MYH9: variants seen among roughly 807,000 people sequenced by gnomAD.
MYH9 encodes the protein myosin-9.
Under a neutral mutation model 241.9 loss-of-function variants are expected in MYH9, and 29 were observed. The ratio of observed to expected loss-of-function variants is 0.12; its 90% confidence interval spans 0.09 to 0.16. The LOEUF is 0.16. Among genes scored for constraint, MYH9 ranks in the 10% least tolerant of loss-of-function variants. The pLI is 1.00. For synonymous variants in MYH9, 1,047 were observed against 1,062.6 expected, an observed-to-expected ratio of 0.99 and a Z score of 0.29; for missense variants, 1,803 against 2,595.5, an observed-to-expected ratio of 0.69 and a Z score of 6.63.
At chr22:36,294,060 T>C (rs1417927516) in intron 28 of MYH9, 32 bp downstream of exon 28, 2 of 1,603,480 alleles carry the variant, frequency 1.2e-6, no homozygotes, top group Non-Finnish European at 1.7e-6. Flanking sequence ...TAGGGCCCAC[T>C]GCCCGCGCCA....
At chr22:36,348,153 A>G (rs1367359742) in intron 2 of MYH9, among the ~76,000 whole-genome samples, 1 of 148,926 alleles carries the variant, frequency 6.7e-6, no homozygotes, top group Non-Finnish European at 1.5e-5. Context: ...TTTTAAAGAT[A>G]TTTAAAAAAT....
chr22:36,300,374 T>C lies in MYH9; in HGVS notation c.2839-110A>G. 6.7e-7 allele frequency: 1 copy of C among 1,503,216 alleles called. No individual in the cohort carries two copies. Among genetic ancestry groups the C allele is most frequent in the Non-Finnish European group, 9.1e-7 (1 of 1,097,040 alleles). 93.1% of individuals were successfully genotyped at this position (1,503,216 alleles called of 1,614,324 possible). ...AAACGCCAAGGAGAAAATAGCAAGG[T>C]CTGTGAGCCCAGGGCCATGGCTGAG... is the stretch of plus-strand genomic sequence containing the variant. On this transcript the variant is annotated intron_variant, in intron 22 of 40. Coordinates refer to ENST00000216181, the MANE Select transcript of MYH9 (RefSeq NM_002473.6). The surrounding 1 kb of genome is among the most constrained non-coding windows in gnomAD (Gnocchi z 5.0).
rs1460962853 is a variant in MYH9, at chr22:36,365,516, G to C, written c.-19-16261C>G. ...CAGAGTCTCACCGTCGCCCAGGCTG[G>C]AGTGCAGTGGCACAATCTTGGCTCG... On this transcript the variant is annotated intron_variant, in intron 1 of 40. Transcript: ENST00000216181. Among the ~76,000 whole-genome samples the C allele has an allele frequency of 4.6e-5, 7 of 152,020 alleles. No homozygotes were observed. In the South Asian group the frequency reaches 1.3e-3, roughly 27 times the overall value.
chr22:36,310,565 G>C (rs1365127482), intron 14 of MYH9, among the ~76,000 whole-genome samples: 1 of 152,188 alleles, frequency 6.6e-6, no homozygotes, highest in Non-Finnish European at 1.5e-5. Flanking sequence ...AATGCACGCT[G>C]CTGCATCCCA....
chr22:36,293,308 CGGTCCCCCA>C lies in MYH9; in HGVS notation c.4095+12_4095+20del, dbSNP rs762475888. ...AGCTCCCCAGCCTGCAGAGTCCGGCCGGTCCCCCAGGCCTCCAAACCTGGGCATGGAGGG... is the reference window on the plus strand; with the variant it reads ...AGCTCCCCAGCCTGCAGAGTCCGGCCGGCCTCCAAACCTGGGCATGGAGGG... On this transcript the variant is annotated intron_variant, in intron 30 of 40. Coordinates refer to ENST00000216181, the MANE Select transcript of MYH9 (RefSeq NM_002473.6). This position sits in a 1 kb window ranked among gnomAD's most constrained non-coding sequence, Gnocchi z 5.1. The C allele has an allele frequency of 1.1e-4, 180 of 1,613,532 alleles. No individual in the cohort carries two copies. Among genetic ancestry groups the C allele is most frequent in the Non-Finnish European group, 1.5e-4 (175 of 1,179,998 alleles).
chr22:36,347,763 T>C, intron 2 of MYH9, among the ~76,000 whole-genome samples: 1 of 141,104 alleles, frequency 7.1e-6, no homozygotes, highest in African/African-American at 2.7e-5. Context: ...AGGTCAGGAG[T>C]TCGAGACCAG....
At chr22:36,299,097 C>T in intron 23 of MYH9, 55 bp from the exon 24 acceptor site, 1 of 1,611,480 alleles carries the variant, frequency 6.2e-7, no homozygotes, top group Non-Finnish European at 8.5e-7. Flanking sequence ...AGAACACTTG[C>T]TAGCCTCAAA....
chr22:36,339,396 C>A (rs977232293), intron 3 of MYH9, among the ~76,000 whole-genome samples: 1 of 152,170 alleles, frequency 6.6e-6, no homozygotes, highest in African/African-American at 2.4e-5. Flanking sequence ...AAGAATCAGA[C>A]CTTTCTGGAA....
Position 36,296,823 on chromosome 22 carries a change from C to T in MYH9, c.3272+20G>A, listed in dbSNP as rs369706460. ...CTGGCCCAGGCCACCTGGCCTCAGG[C>T]GGGCAGGCGGGGTCCTCACCTGGCC... On this transcript the variant is annotated intron_variant, in intron 25 of 40. Transcript: ENST00000216181. 3.5e-5 allele frequency: 56 copies of T among 1,592,156 alleles called. No homozygotes were observed. Among genetic ancestry groups the T allele is most frequent in the Non-Finnish European group, 4.6e-5 (54 of 1,168,956 alleles).
intron 1 of MYH9, among the ~76,000 whole-genome samples, chr22:36,375,188 G>A (rs2018147203): frequency 6.6e-6 from 1 of 152,180 alleles, no homozygotes; most frequent in Non-Finnish European, 1.5e-5. Context: ...GGAACCCAAT[G>A]GTTTCAAGAT....
intron 5 of MYH9, among the ~76,000 whole-genome samples, chr22:36,323,663 T>C (rs748054748): frequency 1.3e-5 from 2 of 152,000 alleles, no homozygotes; most frequent in African/African-American, 2.4e-5. Context: ...GGGGACACTC[T>C]GGAGTCTAGC....
chr22:36,357,932 AG>A (rs1294858613), intron 1 of MYH9, among the ~76,000 whole-genome samples: 1 of 152,218 alleles, frequency 6.6e-6, no homozygotes, highest in Non-Finnish European at 1.5e-5. Context: ...CAGGCAGGCA[AG>A]AAGCACCTTC....
intron 1 of MYH9, among the ~76,000 whole-genome samples, chr22:36,362,502 A>G (rs136211): frequency 0.62 from 93,689 of 151,938 alleles, 29,728 homozygotes; most frequent in Middle Eastern, 0.71. Context: ...TCCTCAGCAC[A>G]GAAACCATTT....
Position 36,293,576 on chromosome 22 carries a change from G to T in MYH9, c.3943-95C>A. ...TTGAGGAGAGGGAGGAGCTGGTCCT[G>T]CTGATTTAGGGGATGGCCACGTAAA... On this transcript the variant is annotated intron_variant, in intron 29 of 40. Transcript: ENST00000216181. The surrounding 1 kb of genome is among the most constrained non-coding windows in gnomAD (Gnocchi z 5.1). The T allele has an allele frequency of 6.5e-7, 1 of 1,546,768 alleles. No homozygotes were observed. Among genetic ancestry groups the T allele is most frequent in the Non-Finnish European group, 8.8e-7 (1 of 1,130,444 alleles).
Position 36,288,216 on chromosome 22 carries a change from G to GCCGCCCACCCTCACCTGGGCC in MYH9, c.4932+15_4932+35dup. 6.2e-7 allele frequency: 1 copy of GCCGCCCACCCTCACCTGGGCC among 1,611,522 alleles called. No homozygotes were observed. Among genetic ancestry groups the GCCGCCCACCCTCACCTGGGCC allele is most frequent in the Non-Finnish European group, 8.5e-7 (1 of 1,179,728 alleles). On this transcript the variant is annotated intron_variant, in intron 34 of 40. Transcript: ENST00000216181. The surrounding 1 kb of genome is among the most constrained non-coding windows in gnomAD (Gnocchi z 4.8). Reference sequence around the variant, plus strand: ...TCATATGTAGTTGGCTCAGTCGGGTGCCGCCCACCCTCACCTGGGCCCCGC... The same window carrying GCCGCCCACCCTCACCTGGGCC: ...TCATATGTAGTTGGCTCAGTCGGGTGCCGCCCACCCTCACCTGGGCCCCGCCCACCCTCACCTGGGCCCCGC...
rs1055726445 is a variant in MYH9, at chr22:36,350,989, G to A, written c.-19-1734C>T. On this transcript the variant is annotated intron_variant, in intron 1 of 40. Transcript: ENST00000216181. ...CCAGGAAGTCCCCAGATCCAAACAC[G>A]GAACACCATGGGCTTTTGTGCTTCC... 2.6e-5 allele frequency among the ~76,000 whole-genome samples: 4 copies of A among 152,122 alleles called. No homozygotes were observed. In the South Asian group the frequency reaches 6.2e-4, roughly 24 times the overall value.
intron 4 of MYH9, 67 bp from the exon 5 acceptor site, chr22:36,326,728 A>G (rs1348337148): frequency 1.4e-5 from 19 of 1,325,296 alleles, no homozygotes; most frequent in Non-Finnish European, 2.1e-5. Context: ...GTCCCTTCCC[A>G]CTGCACGCTC....
At chr22:36,311,513 G>GA (rs2017063410) in intron 14 of MYH9, among the ~76,000 whole-genome samples, 1 of 152,188 alleles carries the variant, frequency 6.6e-6, no homozygotes, top group African/African-American at 2.4e-5. Context: ...CCACAACAAA[G>GA]AATGACCCAG....
intron 1 of MYH9, among the ~76,000 whole-genome samples, chr22:36,358,858 G>T (rs1041808727): frequency 1.3e-5 from 2 of 152,130 alleles, no homozygotes; most frequent in African/African-American, 4.8e-5. Flanking sequence ...GTTCAAAATG[G>T]TTCGACAGCT....
Sources: gnomAD v4.1 joint callset for allele counts (sites outside exome capture counted in the v4.1 genomes callset) on GRCh38, gnomAD v4.1.1 for gene constraint, Gnocchi (gnomAD v3.1) non-coding constraint, MANE v1.5 for transcripts, NCBI Gene and HGNC (gene_info 2026-07-23, HGNC 2026-07-21) for gene names.